ADGRD1: variants seen among roughly 807,000 people sequenced by gnomAD.
The protein encoded by ADGRD1 is G-protein coupled receptor 133.
A neutral mutation model predicts 113.4 loss-of-function variants in ADGRD1; 77 were observed. The ratio of observed to expected loss-of-function variants is 0.68; its 90% CI spans 0.57 to 0.82. ADGRD1 has a LOEUF of 0.82. Ranked by LOEUF, ADGRD1 falls within the 40% of genes least tolerant of loss-of-function variation. The pLI is 0.00. For missense variants in ADGRD1, 1,036 were observed against 1,139.1 expected (o/e 0.91, Z 1.30); for synonymous variants, 474 against 475.0 (o/e 1.00, Z 0.03).
chr12:130,976,137 C>T (rs1461598940), intron 4 of ADGRD1, among the ~76,000 whole-genome samples: 2 of 152,182 alleles, frequency 1.3e-5, no homozygotes, highest in South Asian at 2.1e-4. Flanking sequence ...ACGCTGTCAA[C>T]AATTTGCTAA....
At chr12:130,961,667 A>G (rs931061004) in intron 2 of ADGRD1, among the ~76,000 whole-genome samples, 3 of 152,136 alleles carry the variant, frequency 2.0e-5, no homozygotes, top group African/African-American at 4.8e-5. Flanking sequence ...TCCCGAAAGA[A>G]TGAGACTTTC....
At chr12:131,105,663 T>C (rs1435150919) in intron 16 of ADGRD1, 91 bp from the exon 17 acceptor site, 7 of 881,884 alleles carry the variant, frequency 7.9e-6, no homozygotes, top group South Asian at 4.3e-5. Flanking sequence ...CTTGGAGGAA[T>C]GGATATAGGG....
intron 5 of ADGRD1, among the ~76,000 whole-genome samples, chr12:130,982,854 G>A (rs1593293378): frequency 6.6e-6 from 1 of 152,266 alleles, no homozygotes; most frequent in South Asian, 2.1e-4. Flanking sequence ...GACACAGAAG[G>A]ACTCAGGGTG....
At position 131,115,663 on chromosome 12, in the gene ADGRD1, G is replaced by A. The variant is rs551183033; in HGVS notation, c.2042-2722G>A. On this transcript the variant is annotated intron_variant, in intron 18 of 24. Coordinates refer to ENST00000261654, the MANE Select transcript of ADGRD1 (RefSeq NM_198827.5). ...CGTGTTGCAAAGAGGAGCACCCAAA[G>A]TAAATGTCTCTGATGACAGGGCCAG... Among the ~76,000 whole-genome samples, 8 of 152,298 alleles carry A rather than the reference G, an allele frequency of 5.3e-5. No individual in the cohort carries two copies. In the East Asian group the frequency reaches 1.4e-3, roughly 26 times the overall value.
At chr12:131,021,030 C>T (rs1879252768) in intron 13 of ADGRD1, among the ~76,000 whole-genome samples, 1 of 152,128 alleles carries the variant, frequency 6.6e-6, no homozygotes, top group Admixed American at 6.5e-5. Context: ...GCCAGGAGGT[C>T]AACAGTTTAC....
At chr12:131,042,043 C>T (rs572087252) in intron 13 of ADGRD1, among the ~76,000 whole-genome samples, 2 of 152,342 alleles carry the variant, frequency 1.3e-5, no homozygotes, top group East Asian at 1.9e-4. Flanking sequence ...TTATCGGCTG[C>T]GCCCCAGGCC....
At chr12:130,982,134 G>A (rs1440937484) in intron 5 of ADGRD1, 71 bp downstream of exon 5, 8 of 1,363,108 alleles carry the variant, frequency 5.9e-6, no homozygotes, top group Non-Finnish European at 7.1e-6. Flanking sequence ...TGGACGCTGA[G>A]AAGCCCAACG....
chr12:131,024,144 C>A (rs1247733087), intron 13 of ADGRD1: 1 of 152,224 alleles, frequency 6.6e-6, no homozygotes, highest in Non-Finnish European at 1.5e-5. Flanking sequence ...ATTAGCCACC[C>A]CTGAGGGACA....
chr12:131,139,322 G>A lies in ADGRD1; in HGVS notation c.*59G>A. The A allele has an allele frequency of 8.3e-7, 1 of 1,201,896 alleles. No homozygotes were observed. Among genetic ancestry groups the A allele is most frequent in the Non-Finnish European group, 1.2e-6 (1 of 829,730 alleles). The allele number at this position is 1,201,896 out of a possible 1,614,324, so 74.5% of individuals were successfully genotyped here. A position where few individuals can be genotyped will look rare whatever the true frequency, so the allele number is the denominator to read the frequency against. On this transcript the variant is annotated 3_prime_UTR_variant, in exon 25 of 25. Coordinates refer to ENST00000261654, the MANE Select transcript of ADGRD1 (RefSeq NM_198827.5). ...CAGAACACACCCCCCCAAACAGAAT[G>A]AAATGCCCCACCTTTGCCCATGGAC...
At chr12:131,038,743 T>C (rs1386229368) in intron 13 of ADGRD1, among the ~76,000 whole-genome samples, 1 of 152,206 alleles carries the variant, frequency 6.6e-6, no homozygotes, top group Non-Finnish European at 1.5e-5. Context: ...CAGTGACAGG[T>C]AGGCTGACCT....
chr12:131,031,022 C>G (rs1459939152), intron 13 of ADGRD1, among the ~76,000 whole-genome samples: 1 of 152,184 alleles, frequency 6.6e-6, no homozygotes, highest in African/African-American at 2.4e-5. Context: ...GCTCTTTTCA[C>G]CAGGGTTTCT....
intron 19 of ADGRD1, among the ~76,000 whole-genome samples, chr12:131,120,159 C>T (rs1045066191): frequency 2.6e-5 from 4 of 152,176 alleles, no homozygotes; most frequent in East Asian, 1.9e-4. Flanking sequence ...GACTGCGCCA[C>T]GCACCTGCCC....
chr12:131,115,379 C>T (rs1171941352), intron 18 of ADGRD1, among the ~76,000 whole-genome samples: 1 of 152,166 alleles, frequency 6.6e-6, no homozygotes, highest in African/African-American at 2.4e-5. Context: ...CTCAAGAGCC[C>T]CGAGGGGCAG....
intron 13 of ADGRD1, among the ~76,000 whole-genome samples, chr12:131,047,692 C>T (rs1046297151): frequency 6.6e-6 from 1 of 152,192 alleles, no homozygotes; most frequent in Non-Finnish European, 1.5e-5. Flanking sequence ...AGGGACGTCA[C>T]GACTGTGCGT....
intron 2 of ADGRD1, among the ~76,000 whole-genome samples, chr12:130,955,066 TCTC>T (rs1159480685): frequency 6.7e-6 from 1 of 150,124 alleles, no homozygotes; most frequent in African/African-American, 2.5e-5. Context: ...TTCAAGCAAT[TCTC>T]CTGCCTCAGC....
At chr12:131,129,463 G>C (rs1384641844) in intron 20 of ADGRD1, among the ~76,000 whole-genome samples, 6 of 118,306 alleles carry the variant, frequency 5.1e-5, no homozygotes, top group African/African-American at 1.6e-4. Flanking sequence ...CCGCCCTGCT[G>C]TCTGGGTGTG....
rs769982386 is a variant in ADGRD1 at position 131,003,953 on chromosome 12, C to T, written c.1145-233C>T. Among the ~76,000 whole-genome samples the T allele has an allele frequency of 4.0e-5, 6 of 151,018 alleles. No individual in the cohort carries two copies. Among genetic ancestry groups the T allele is most frequent in the African/African-American group, 9.7e-5 (4 of 41,164 alleles). ...GCGGAGGGCGCCCCAGGTGAGGAGCCGCGCGCCCGTGGGCCGGAATGCTGA... is the reference window on the plus strand; with the variant it reads ...GCGGAGGGCGCCCCAGGTGAGGAGCTGCGCGCCCGTGGGCCGGAATGCTGA... On this transcript the variant is annotated intron_variant, in intron 10 of 24. Coordinates refer to ENST00000261654, the MANE Select transcript of ADGRD1 (RefSeq NM_198827.5). The surrounding 1 kb of genome is among the most constrained non-coding windows in gnomAD (Gnocchi z 4.8).
intron 13 of ADGRD1, chr12:131,070,323 G>T (rs1274458916): frequency 1.3e-5 from 2 of 153,996 alleles, no homozygotes; most frequent in Non-Finnish European, 2.9e-5. Flanking sequence ...TTCTGTGGCT[G>T]GGCGGGGGTC....
rs1162404794 is a variant in ADGRD1, at chr12:131,084,907, C to T, written c.1671+244C>T. On this transcript the variant is annotated intron_variant, in intron 15 of 24. Transcript: ENST00000261654. This position sits in a 1 kb window ranked among gnomAD's most constrained non-coding sequence, Gnocchi z 4.5. Reference sequence around the variant, plus strand: ...AAATCGAGTCCAGTGTGGTGTGCTTCGCACAGCAACGCCCAGACTGCACCT... The same window carrying T: ...AAATCGAGTCCAGTGTGGTGTGCTTTGCACAGCAACGCCCAGACTGCACCT... Among the ~76,000 whole-genome samples the T allele has an allele frequency of 6.6e-6, 1 of 152,192 alleles. No homozygotes were observed. Among genetic ancestry groups the T allele is most frequent in the Non-Finnish European group, 1.5e-5 (1 of 68,022 alleles).
Sources: allele counts gnomAD v4.1 joint callset (sites outside exome capture counted in the v4.1 genomes callset), GRCh38; gene constraint gnomAD v4.1.1; non-coding constraint Gnocchi (gnomAD v3.1); transcripts MANE v1.5; gene names NCBI Gene and HGNC (gene_info 2026-07-23, HGNC 2026-07-21).